The following RAB3C variants were observed in gnomAD, a reference collection of about 807,000 sequenced individuals.
RAB3C encodes ras-related protein Rab-3C.
In RAB3C, 17 loss-of-function variants were observed where a neutral mutation model predicts 26.4. That is an observed-to-expected ratio of 0.64 (90% CI 0.44 to 0.97). The LOEUF (loss-of-function observed/expected upper bound fraction) is 0.97, where lower values mean the gene tolerates loss of function less well. RAB3C is among the 50% of genes least tolerant of loss of function. The pLI is 0.00. For missense variants in RAB3C, 242 were observed against 281.9 expected, an observed-to-expected ratio of 0.86 and a Z score of 1.01; for synonymous variants, 91 against 95.9, an observed-to-expected ratio of 0.95 and a Z score of 0.30.
At position 58,767,860 on chromosome 5, in the gene RAB3C, A is replaced by G. The variant is rs114630615; in HGVS notation, c.371+41740A>G. ...AGTAGGAAAAGAGAATAGGCAAGAAAAATATGGGTGATAAGAGCTATGCAG... is the reference window on the plus strand; with the variant it reads ...AGTAGGAAAAGAGAATAGGCAAGAAGAATATGGGTGATAAGAGCTATGCAG... On this transcript the variant is annotated intron_variant, in intron 3 of 4. Transcript: ENST00000282878. 1.8e-3 allele frequency among the ~76,000 whole-genome samples: 273 copies of G among 152,356 alleles called. 2 individuals carry two copies. The highest frequency in any genetic ancestry group is 6.4e-3 in the African/African-American group (267 of 41,586).
At chr5:58,634,268 A>G (rs1747244379) in intron 2 of RAB3C, among the ~76,000 whole-genome samples, 1 of 152,144 alleles carries the variant, frequency 6.6e-6, no homozygotes, top group East Asian at 1.9e-4. Context: ...TATTCACACC[A>G]TTGAAAAGTT....
chr5:58,792,842 TTA>T (rs903012881), intron 3 of RAB3C, among the ~76,000 whole-genome samples: 14 of 151,904 alleles, frequency 9.2e-5, no homozygotes, highest in African/African-American at 2.9e-4. Flanking sequence ...AATAAAAGAT[TTA>T]TATATATATA....
rs1173620538 is a variant in RAB3C at position 58,677,609 on chromosome 5, AT to A, written c.253-48392del. On this transcript the variant is annotated intron_variant, in intron 2 of 4. Transcript: ENST00000282878. Reference sequence around the variant, plus strand: ...AATGATTGATACCCAATAAATAAATATAAAAATATTGACACCAATGCTCAAT... The same window carrying A: ...AATGATTGATACCCAATAAATAAATAAAAAATATTGACACCAATGCTCAAT... Among the ~76,000 whole-genome samples the A allele has an allele frequency of 3.3e-5, 5 of 149,542 alleles. No homozygotes were observed. In the South Asian group the frequency reaches 6.3e-4, roughly 19 times the overall value.
chr5:58,857,827 C>G lies in RAB3C; in HGVS notation c.*6476C>G, dbSNP rs1744297704. On this transcript the variant is annotated 3_prime_UTR_variant, in exon 5 of 5. Transcript: ENST00000282878. The stretch of plus-strand genomic sequence containing the variant: ...CCCTTGTTTAATGCTAATTGGTGGC[C>G]TGGAACTTCACTGAGATGCAAAATC... The G allele has an allele frequency of 6.6e-6, 1 of 152,086 alleles. No homozygotes were observed. Among genetic ancestry groups the G allele is most frequent in the African/African-American group, 2.4e-5 (1 of 41,414 alleles). The allele number at this position is 152,086 out of a possible 1,614,324, so 9.4% of individuals were successfully genotyped here.
intron 1 of RAB3C, among the ~76,000 whole-genome samples, chr5:58,614,717 T>A (rs1285465268): frequency 6.6e-6 from 1 of 152,040 alleles, no homozygotes; most frequent in South Asian, 2.1e-4. Flanking sequence ...TTCACCTAAA[T>A]GCATACAGTC....
chr5:58,663,965 T>C (rs569045055), intron 2 of RAB3C, among the ~76,000 whole-genome samples: 4 of 152,280 alleles, frequency 2.6e-5, no homozygotes, highest in African/African-American at 4.8e-5. Context: ...TTTCCATAGA[T>C]GTATTTTAGA....
At chr5:58,830,421 T>C (rs299919) in intron 4 of RAB3C, among the ~76,000 whole-genome samples, 39,895 of 151,990 alleles carry the variant, frequency 0.26, 5,489 homozygotes, top group Non-Finnish European at 0.3. Flanking sequence ...TCACCAAGCA[T>C]AAGAGTTTGG....
intron 3 of RAB3C, among the ~76,000 whole-genome samples, chr5:58,754,330 T>C (rs1422834839): frequency 6.7e-6 from 1 of 148,658 alleles, no homozygotes; most frequent in Non-Finnish European, 1.5e-5. Context: ...CTGGATATCA[T>C]TGTCGGAAGG....
chr5:58,796,768 G>A (rs1742660503), intron 3 of RAB3C, among the ~76,000 whole-genome samples: 1 of 152,106 alleles, frequency 6.6e-6, no homozygotes, highest in African/African-American at 2.4e-5. Flanking sequence ...AGAGAAGCAG[G>A]AGCAAGAGAC....
At chr5:58,703,306 G>A (rs575298242) in intron 2 of RAB3C, among the ~76,000 whole-genome samples, 2 of 151,878 alleles carry the variant, frequency 1.3e-5, no homozygotes, top group East Asian at 3.9e-4. Flanking sequence ...CTTCAGCCTC[G>A]CAAGTAGCTG....
Position 58,813,938 on chromosome 5 carries a change from C to A in RAB3C, c.372-11100C>A, listed in dbSNP as rs2112043914. Among the ~76,000 whole-genome samples the A allele has an allele frequency of 2.0e-5, 3 of 152,242 alleles. No individual in the cohort carries two copies. The Middle Eastern group carries it at 0.01, about 518-fold the overall frequency. Reference sequence around the variant, plus strand: ...TTGTATTATTATTGGTTTTCCACCACCTACAGAGCTATAAAATAGCTCAAA... The same window carrying A: ...TTGTATTATTATTGGTTTTCCACCAACTACAGAGCTATAAAATAGCTCAAA... On this transcript the variant is annotated intron_variant, in intron 3 of 4. Coordinates refer to ENST00000282878, the MANE Select transcript of RAB3C (RefSeq NM_138453.4).
At chr5:58,627,893 C>T (rs1235606273) in intron 2 of RAB3C, among the ~76,000 whole-genome samples, 1 of 152,132 alleles carries the variant, frequency 6.6e-6, no homozygotes, top group Non-Finnish European at 1.5e-5. Context: ...CGCAAAGGCT[C>T]ACGCATGTAA....
chr5:58,683,096 G>C (rs900545188), intron 2 of RAB3C, among the ~76,000 whole-genome samples: 1 of 152,088 alleles, frequency 6.6e-6, no homozygotes, highest in African/African-American at 2.4e-5. Flanking sequence ...ATTTCTCTCT[G>C]TTCTCAGGGC....
intron 1 of RAB3C, among the ~76,000 whole-genome samples, chr5:58,610,875 A>T (rs1434228661): frequency 6.6e-6 from 1 of 152,044 alleles, no homozygotes; most frequent in Non-Finnish European, 1.5e-5. Context: ...AGTACCCCTT[A>T]GTTATTTTTC....
chr5:58,800,831 G>A (rs150770529), intron 3 of RAB3C, among the ~76,000 whole-genome samples: 6 of 152,238 alleles, frequency 3.9e-5, no homozygotes, highest in African/African-American at 1.2e-4. Flanking sequence ...ATCTCCATGT[G>A]GAACTAAATG....
intron 1 of RAB3C, among the ~76,000 whole-genome samples, chr5:58,594,457 AT>A (rs1168886261): frequency 6.6e-6 from 1 of 152,174 alleles, no homozygotes; most frequent in African/African-American, 2.4e-5. Flanking sequence ...GTAATAAATA[AT>A]AGTAGCAGTA....
chr5:58,698,223 T>G (rs1484546390), intron 2 of RAB3C, among the ~76,000 whole-genome samples: 1 of 152,220 alleles, frequency 6.6e-6, no homozygotes, highest in African/African-American at 2.4e-5. Flanking sequence ...GGTTGAAAAT[T>G]CTTTTCTTTA....
At chr5:58,688,617 CA>C (rs1434386479) in intron 2 of RAB3C, among the ~76,000 whole-genome samples, 33 of 152,098 alleles carry the variant, frequency 2.2e-4, no homozygotes, top group African/African-American at 8.0e-4. Context: ...CTTCTCAGGC[CA>C]TAGGTTCTAC....
At chr5:58,624,280 A>C (rs554465839) in intron 2 of RAB3C, among the ~76,000 whole-genome samples, 113 of 152,242 alleles carry the variant, frequency 7.4e-4, no homozygotes, top group Non-Finnish European at 1.5e-3. Flanking sequence ...AGGATGCCCA[A>C]CACCATCCTG....
Sources: gnomAD v4.1 joint callset for allele counts (sites outside exome capture counted in the v4.1 genomes callset) on GRCh38, gnomAD v4.1.1 for gene constraint, MANE v1.5 for transcripts, NCBI Gene and HGNC (gene_info 2026-07-23, HGNC 2026-07-21) for gene names.